Variants in GPC5 observed in about 807,000 individuals in gnomAD.
GPC5 encodes the protein glypican-5.
In GPC5, 47 loss-of-function variants were observed where a neutral mutation model predicts 53.9. That is an observed-to-expected ratio of 0.87 (90% CI 0.69 to 1.11). GPC5 has a LOEUF of 1.11. GPC5 is among the 50% of genes most tolerant of loss of function. The pLI is 0.00. For missense variants in GPC5, 748 were observed against 713.1 expected (o/e 1.05, Z -0.56); for synonymous variants, 286 against 263.3 (o/e 1.09, Z -0.84).
intron 7 of GPC5, among the ~76,000 whole-genome samples, chr13:92,228,907 A>G (rs996647327): frequency 1.4e-4 from 22 of 152,180 alleles, no homozygotes; most frequent in Non-Finnish European, 2.4e-4. Flanking sequence ...GACCATTTTG[A>G]TGATATTGAT....
intron 7 of GPC5, among the ~76,000 whole-genome samples, chr13:92,593,098 A>G (rs1201639253): frequency 6.6e-6 from 1 of 151,306 alleles, no homozygotes; most frequent in Non-Finnish European, 1.5e-5. Context: ...GCCAAGACAC[A>G]GCAGATCAGA....
At chr13:92,703,286 T>C (rs1887822178) in intron 7 of GPC5, among the ~76,000 whole-genome samples, 1 of 151,582 alleles carries the variant, frequency 6.6e-6, no homozygotes, top group African/African-American at 2.4e-5. Context: ...AATATGTACA[T>C]GTGTCCCTTG....
At chr13:92,521,340 C>T (rs1183926807) in intron 7 of GPC5, among the ~76,000 whole-genome samples, 2 of 152,106 alleles carry the variant, frequency 1.3e-5, no homozygotes, top group East Asian at 3.9e-4. Flanking sequence ...GCCAAAAGAA[C>T]AAAGCCGGAG....
chr13:91,869,339 G>A (rs989611875), intron 5 of GPC5, among the ~76,000 whole-genome samples: 8 of 152,114 alleles, frequency 5.3e-5, no homozygotes, highest in African/African-American at 7.2e-5. Context: ...GATTATAGGC[G>A]TGAACCACCT....
chr13:92,010,667 C>G (rs1468706376), intron 6 of GPC5, among the ~76,000 whole-genome samples: 1 of 152,142 alleles, frequency 6.6e-6, no homozygotes, highest in Non-Finnish European at 1.5e-5. Context: ...AGCCCTCTCT[C>G]CCTTTCTCTG....
In GPC5 at chr13:92,173,343, T is replaced by C. The variant is rs186443975; in HGVS notation, c.1561+28354T>C. 2.7e-4 allele frequency among the ~76,000 whole-genome samples: 41 copies of C among 152,312 alleles called. 1 individual carries two copies. In the East Asian group the frequency reaches 7.9e-3, roughly 29 times the overall value. On this transcript the variant is annotated intron_variant, in intron 7 of 7. Coordinates refer to ENST00000377067, the MANE Select transcript of GPC5 (RefSeq NM_004466.6). ...TCTGGGTTTTTAGGAAATGAAGTCCTTCATGTTGACTGTGGTATGTGAAGA... is the reference window on the plus strand; with the variant it reads ...TCTGGGTTTTTAGGAAATGAAGTCCCTCATGTTGACTGTGGTATGTGAAGA...
intron 7 of GPC5, among the ~76,000 whole-genome samples, chr13:92,398,162 C>T (rs1024148452): frequency 6.6e-6 from 1 of 152,022 alleles, no homozygotes; most frequent in Non-Finnish European, 1.5e-5. Context: ...AATTATTCCA[C>T]TCCACGCCTG....
intron 7 of GPC5, among the ~76,000 whole-genome samples, chr13:92,599,139 C>A (rs1299439848): frequency 6.6e-6 from 1 of 152,032 alleles, no homozygotes; most frequent in Non-Finnish European, 1.5e-5. Context: ...GTTGTAGACC[C>A]AGATGTTAAA....
At chr13:92,363,291 A>G (rs2043582796) in intron 7 of GPC5, among the ~76,000 whole-genome samples, 1 of 151,554 alleles carries the variant, frequency 6.6e-6, no homozygotes, top group African/African-American at 2.4e-5. Context: ...GAATTGTCAG[A>G]AGGTTATCAT....
intron 7 of GPC5, among the ~76,000 whole-genome samples, chr13:92,456,999 C>G (rs1878293973): frequency 6.6e-6 from 1 of 151,958 alleles, no homozygotes; most frequent in Admixed American, 6.6e-5. Context: ...TTGCTCCTCT[C>G]CTTCTCTGCC....
chr13:91,648,270 G>A (rs547217711), intron 2 of GPC5, among the ~76,000 whole-genome samples: 19 of 152,226 alleles, frequency 1.2e-4, no homozygotes, highest in African/African-American at 3.6e-4. Flanking sequence ...TGTGCAATGT[G>A]TTGGGCATAA....
At chr13:92,741,490 T>C (rs1483859650) in intron 7 of GPC5, among the ~76,000 whole-genome samples, 1 of 152,054 alleles carries the variant, frequency 6.6e-6, no homozygotes, top group Non-Finnish European at 1.5e-5. Context: ...TCTTTTTCTT[T>C]AGAAATTATC....
intron 6 of GPC5, among the ~76,000 whole-genome samples, chr13:92,052,988 G>A (rs1184915666): frequency 6.6e-6 from 1 of 152,174 alleles, no homozygotes; most frequent in African/African-American, 2.4e-5. Context: ...AGAGGAAACA[G>A]AATTTTACTG....
chr13:92,375,305 A>G (rs758988458), intron 7 of GPC5, among the ~76,000 whole-genome samples: 1 of 152,194 alleles, frequency 6.6e-6, no homozygotes, highest in Non-Finnish European at 1.5e-5. Flanking sequence ...ACAGAGTCTC[A>G]TAGATTTTTT....
chr13:91,458,238 G>A (rs1881690141), intron 2 of GPC5, among the ~76,000 whole-genome samples: 1 of 152,104 alleles, frequency 6.6e-6, no homozygotes, highest in South Asian at 2.1e-4. Flanking sequence ...GAGGCAGCAT[G>A]TGTGGGGCAT....
At chr13:92,586,806 G>T (rs1883550048) in intron 7 of GPC5, among the ~76,000 whole-genome samples, 1 of 152,186 alleles carries the variant, frequency 6.6e-6, no homozygotes, top group Non-Finnish European at 1.5e-5. Flanking sequence ...GAAGGTGAAA[G>T]AGGTCAAGCA....
chr13:92,327,718 C>CAAATTGGG (rs1449373701), intron 7 of GPC5, among the ~76,000 whole-genome samples: 1 of 152,172 alleles, frequency 6.6e-6, no homozygotes, highest in Non-Finnish European at 1.5e-5. Context: ...TGAAAAGCTA[C>CAAATTGGG]AGATGGCTCC....
intron 7 of GPC5, among the ~76,000 whole-genome samples, chr13:92,508,715 C>G (rs184663020): frequency 2.2e-3 from 339 of 152,198 alleles, no homozygotes; most frequent in Non-Finnish European, 4.1e-3. Context: ...GCTGGAGGCC[C>G]ACTCAAAAGA....
At chr13:92,692,394 A>G (rs964142732) in intron 7 of GPC5, among the ~76,000 whole-genome samples, 2 of 152,002 alleles carry the variant, frequency 1.3e-5, no homozygotes, top group African/African-American at 4.8e-5. Context: ...TATACCCAGT[A>G]ATGTGATTGC....
Sources: gnomAD v4.1 joint callset for allele counts (sites outside exome capture counted in the v4.1 genomes callset) on GRCh38, gnomAD v4.1.1 for gene constraint, MANE v1.5 for transcripts, NCBI Gene and HGNC (gene_info 2026-07-23, HGNC 2026-07-21) for gene names.